Variants in PCDHGB2 observed in about 807,000 individuals in gnomAD.
The protein encoded by PCDHGB2 is protocadherin gamma subfamily B, 2.
In PCDHGB2, 55 loss-of-function variants were observed where a neutral mutation model predicts 59.3. That is an observed-to-expected ratio of 0.93 (90% CI 0.75 to 1.16). PCDHGB2 has a LOEUF of 1.16. Ranked by LOEUF, PCDHGB2 falls within the 50% of genes most tolerant of loss-of-function variation. PCDHGB2 has a pLI of 0.00. For synonymous variants in PCDHGB2, 516 were observed against 512.0 expected (o/e 1.01, Z -0.11); for missense variants, 1,228 against 1,198.5 (o/e 1.02, Z -0.36).
intron 1 of PCDHGB2, among the ~76,000 whole-genome samples, chr5:141,437,980 C>T (rs1198278358): frequency 1.3e-5 from 2 of 152,050 alleles, no homozygotes; most frequent in Non-Finnish European, 2.9e-5. Flanking sequence ...TTGGGATGCA[C>T]CCACCCCACC....
chr5:141,370,723 C>G, intron 1 of PCDHGB2: 1 of 1,613,808 alleles, frequency 6.2e-7, no homozygotes, highest in South Asian at 1.1e-5. Context: ...GAAATGGTTG[C>G]TGAAAAGCCT....
Position 141,399,184 on chromosome 5 carries a change from C to T in PCDHGB2, c.2421+36628C>T, listed in dbSNP as rs1398440525. The T allele has an allele frequency of 1.9e-6, 3 of 1,613,746 alleles. No individual in the cohort carries two copies. In the African/African-American group the frequency reaches 4.0e-5, roughly 22 times the overall value. On this transcript the variant is annotated intron_variant, in intron 1 of 3. Coordinates refer to ENST00000522605, the MANE Select transcript of PCDHGB2 (RefSeq NM_018923.3). The stretch of plus-strand genomic sequence containing the variant: ...ATTCCATTCTCTACTTGAAATGATT[C>T]TGGAAAACGCGGTGCCTGGAACACT...
chr5:141,424,076 A>C, intron 1 of PCDHGB2: 2 of 979,452 alleles, frequency 2.0e-6, no homozygotes, highest in Non-Finnish European at 2.5e-6. Flanking sequence ...TTGTAGTTAT[A>C]TTCCACCATT....
chr5:141,433,993 T>C (rs1367687577), intron 1 of PCDHGB2, among the ~76,000 whole-genome samples: 1 of 152,216 alleles, frequency 6.6e-6, no homozygotes, highest in Admixed American at 6.5e-5. Flanking sequence ...GAGTTTTATA[T>C]TCTCTATATA....
chr5:141,399,527 T>A (rs781680585), intron 1 of PCDHGB2: 2 of 1,614,016 alleles, frequency 1.2e-6, no homozygotes, highest in East Asian at 2.2e-5. Context: ...GGGGCCTCCA[T>A]CGCGCAAGTC....
At chr5:141,488,564 G>T (rs1047904416) in intron 1 of PCDHGB2, among the ~76,000 whole-genome samples, 1 of 152,154 alleles carries the variant, frequency 6.6e-6, no homozygotes, top group African/African-American at 2.4e-5. Context: ...TGAGATTTCC[G>T]CAAAGCATTG....
chr5:141,441,725 C>A, intron 1 of PCDHGB2: 1 of 352,450 alleles, frequency 2.8e-6, no homozygotes. Flanking sequence ...AGGCCCGCGA[C>A]CAGGACTAGC....
chr5:141,398,563 G>A lies in PCDHGB2; in HGVS notation c.2421+36007G>A, dbSNP rs375890903. The A allele has an allele frequency of 2.4e-5, 39 of 1,613,842 alleles. No individual in the cohort carries two copies. The African/African-American group carries it at 3.2e-4, about 13-fold the overall frequency. On this transcript the variant is annotated intron_variant, in intron 1 of 3. Coordinates refer to ENST00000522605, the MANE Select transcript of PCDHGB2 (RefSeq NM_018923.3). Reference sequence around the variant, plus strand: ...CTTTGAGCTGCAAATAAGTGAGTCTGCACAGCCTGGCACAAGATTTATACT... The same window carrying A: ...CTTTGAGCTGCAAATAAGTGAGTCTACACAGCCTGGCACAAGATTTATACT...
Position 141,398,834 on chromosome 5 carries a change from A to G in PCDHGB2, c.2421+36278A>G, listed in dbSNP as rs201953825. On this transcript the variant is annotated intron_variant, in intron 1 of 3. Transcript: ENST00000522605. Reference sequence around the variant, plus strand: ...CTCCGGATCCAGGTAACCGACGCCAATGATAATCCCCCGGTATTCAACCGA... The same window carrying G: ...CTCCGGATCCAGGTAACCGACGCCAGTGATAATCCCCCGGTATTCAACCGA... The G allele has an allele frequency of 3.9e-4, 623 of 1,614,014 alleles. 4 individuals are homozygous for G. In the South Asian group the frequency reaches 4.2e-3, roughly 11 times the overall value.
rs755462760 is a variant in PCDHGB2, at chr5:141,393,015, T to A, written c.2421+30459T>A. On this transcript the variant is annotated intron_variant, in intron 1 of 3. Coordinates refer to ENST00000522605, the MANE Select transcript of PCDHGB2 (RefSeq NM_018923.3). ...GGCGAAGCACGGAGTCCGTATCGTC[T>A]CCAGAGGTAGGACGCAGCTCTTTGC... The A allele has an allele frequency of 1.6e-5, 26 of 1,613,696 alleles. No individual in the cohort carries two copies. The highest frequency in any genetic ancestry group is 1.9e-5 in the Non-Finnish European group (22 of 1,179,874).
intron 1 of PCDHGB2, chr5:141,383,852 A>G (rs1162643765): frequency 1.9e-6 from 3 of 1,613,966 alleles, no homozygotes; most frequent in East Asian, 4.5e-5. Context: ...TATGAAATGG[A>G]GGTTCAGGCT....
chr5:141,504,130 C>T (rs1334901812), intron 2 of PCDHGB2, among the ~76,000 whole-genome samples: 1 of 152,154 alleles, frequency 6.6e-6, no homozygotes, highest in African/African-American at 2.4e-5. Flanking sequence ...TGTTTCCCGC[C>T]AACACTCCCC....
At chr5:141,438,591 CATAT>C (rs946798767) in intron 1 of PCDHGB2, among the ~76,000 whole-genome samples, 213 of 75,464 alleles carry the variant, frequency 2.8e-3, no homozygotes, top group African/African-American at 5.5e-3. Flanking sequence ...TACATACATA[CATAT>C]ATATATATAT....
Position 141,393,390 on chromosome 5 carries a change from G to C in PCDHGB2, c.2421+30834G>C, listed in dbSNP as rs761230046. On this transcript the variant is annotated intron_variant, in intron 1 of 3. Coordinates refer to ENST00000522605, the MANE Select transcript of PCDHGB2 (RefSeq NM_018923.3). ...TGGAGACAATGGAGCCATAAACCCA[G>C]AGCTGGTGCTGGAGCGCGCCCTGGA... 24 of 1,613,882 alleles carry C rather than the reference G, an allele frequency of 1.5e-5. No homozygotes were observed. The South Asian group carries it at 2.5e-4, about 17-fold the overall frequency.
rs553673516 is a variant in PCDHGB2, at chr5:141,476,211, T to C, written c.2422-18596T>C. The C allele has an allele frequency of 5.4e-5, 87 of 1,613,942 alleles. No individual in the cohort carries two copies. The highest frequency in any genetic ancestry group is 7.0e-5 in the Non-Finnish European group (83 of 1,180,000). ...GGTGCCTTGAACAAGGCTTCCACGG[T>C]CATTCACTATGAGATCCCGGAGGAA... On this transcript the variant is annotated intron_variant, in intron 1 of 3. Coordinates refer to ENST00000522605, the MANE Select transcript of PCDHGB2 (RefSeq NM_018923.3). The surrounding 1 kb of genome is among the most constrained non-coding windows in gnomAD (Gnocchi z 7.6).
At position 141,417,888 on chromosome 5, in the gene PCDHGB2, G is replaced by C. The variant is rs1406210540; in HGVS notation, c.2421+55332G>C. ...GGAGGGAGCTGCGCGCAGAGGCGCC[G>C]GGCCGGCCCGCGGCAGGTACTATTT... is the stretch of plus-strand genomic sequence containing the variant. On this transcript the variant is annotated intron_variant, in intron 1 of 3. Transcript: ENST00000522605. 1.3e-6 allele frequency: 2 copies of C among 1,566,652 alleles called. No homozygotes were observed. The highest frequency in any genetic ancestry group is 1.7e-4 in the Middle Eastern group (1 of 6,016).
In PCDHGB2 at chr5:141,410,925, C is replaced by T. The variant is rs576126485; in HGVS notation, c.2421+48369C>T. The T allele has an allele frequency of 2.3e-5, 5 of 217,506 alleles. No individual in the cohort carries two copies. The East Asian group carries it at 5.8e-4, about 25-fold the overall frequency. 13.5% of individuals were successfully genotyped at this position (217,506 alleles called of 1,614,324 possible). Reference sequence around the variant, plus strand: ...CTGGAGTGCAGTGGCGTGATCTCTGCTCACTGCAACCTCCGCCTTCTGGGT... The same window carrying T: ...CTGGAGTGCAGTGGCGTGATCTCTGTTCACTGCAACCTCCGCCTTCTGGGT... On this transcript the variant is annotated intron_variant, in intron 1 of 3. Coordinates refer to ENST00000522605, the MANE Select transcript of PCDHGB2 (RefSeq NM_018923.3).
intron 1 of PCDHGB2, chr5:141,421,725 C>T: frequency 6.2e-7 from 1 of 1,613,960 alleles, no homozygotes; most frequent in Non-Finnish European, 8.5e-7. Context: ...TGGGCGTGAA[C>T]TCCCTCCAGA....
At chr5:141,392,676 C>T in intron 1 of PCDHGB2, 1 of 917,280 alleles carries the variant, frequency 1.1e-6, no homozygotes, top group East Asian at 2.7e-5. Context: ...AACTGCTGGA[C>T]TGCAGCGAAA....
Sources: allele counts gnomAD v4.1 joint callset (sites outside exome capture counted in the v4.1 genomes callset), GRCh38; gene constraint gnomAD v4.1.1; non-coding constraint Gnocchi (gnomAD v3.1); transcripts MANE v1.5; gene names NCBI Gene and HGNC (gene_info 2026-07-23, HGNC 2026-07-21).